TMPRSS9: variants seen among roughly 807,000 people sequenced by gnomAD.
TMPRSS9 encodes transmembrane protease serine 9.
TMPRSS9 carries 113 observed loss-of-function variants against 111.4 expected under a neutral mutation model. The ratio of observed to expected loss-of-function variants is 1.01; its 90% CI spans 0.87 to 1.19. TMPRSS9 has a LOEUF of 1.19. Ranked by LOEUF, TMPRSS9 falls within the 50% of genes most tolerant of loss-of-function variation. The probability of loss-of-function intolerance (pLI) is 0.00; values close to 1 mark genes in which losing one functional copy is unlikely to be tolerated. For missense variants in TMPRSS9, 1,803 were observed against 1,513.1 expected, an observed-to-expected ratio of 1.19 and a Z score of -3.18; for synonymous variants, 805 against 659.1, an observed-to-expected ratio of 1.22 and a Z score of -3.39.
chr19:2,369,861 G>A (rs1271135226), intron 1 of TMPRSS9, among the ~76,000 whole-genome samples: 1 of 152,024 alleles, frequency 6.6e-6, no homozygotes, highest in Non-Finnish European at 1.5e-5. Context: ...TCTGCTCAGG[G>A]TCTGACAAGA....
At chr19:2,410,292 G>T in exon 9 of TMPRSS9, 6 of 1,614,034 alleles carry the variant, frequency 3.7e-6, no homozygotes, top group Non-Finnish European at 5.1e-6. Flanking sequence ...AAGCCACTGT[G>T]GAGCTGCTGG....
At chr19:2,408,766 G>A (rs1971026498) in intron 8 of TMPRSS9, 136 bp downstream of exon 9, 6 of 1,159,836 alleles carry the variant, frequency 5.2e-6, no homozygotes, top group Non-Finnish European at 7.2e-6. Context: ...CACGAGGTCA[G>A]GCGTTTGAGA....
chr19:2,426,004 T>C, exon 18 of TMPRSS9: 1 of 1,607,768 alleles, frequency 6.2e-7, no homozygotes, highest in Admixed American at 1.7e-5. Context: ...GCTGGGGCTA[T>C]GGCTGTGGCC....
chr19:2,388,086 C>T (rs1227156657), upstream of TMPRSS9, among the ~76,000 whole-genome samples: 1 of 152,112 alleles, frequency 6.6e-6, no homozygotes, highest in Non-Finnish European at 1.5e-5. Flanking sequence ...CTTTGATGCA[C>T]CTCCCTTCGA....
chr19:2,412,648 T>C (rs1354931718), intron 9 of TMPRSS9, among the ~76,000 whole-genome samples: 1 of 152,162 alleles, frequency 6.6e-6, no homozygotes, highest in African/African-American at 2.4e-5. Context: ...GCACATGGGC[T>C]GGGCTGCCAC....
chr19:2,381,799 G>A (rs1485065033), intron 1 of TMPRSS9, among the ~76,000 whole-genome samples: 2 of 151,900 alleles, frequency 1.3e-5, no homozygotes, highest in African/African-American at 2.4e-5. Context: ...TAGCACCCTC[G>A]GAGACATTAG....
At chr19:2,379,670 T>TTTCTTTCC (rs1568170880) in intron 1 of TMPRSS9, among the ~76,000 whole-genome samples, 7 of 149,090 alleles carry the variant, frequency 4.7e-5, no homozygotes, top group African/African-American at 1.8e-4. Flanking sequence ...TCTTTCTTTC[T>TTTCTTTCC]TTCTTTCTCT....
rs111244068 is a variant in TMPRSS9, at chr19:2,390,523, A to G, written c.142+596A>G. The stretch of plus-strand genomic sequence containing the variant: ...CTCCCAAAGTGCTGGGATTACAGGC[A>G]TGAGCCACCGCGCCCGGCCCCAAAA... On this transcript the variant is annotated intron_variant, in intron 1 of 17. Coordinates refer to ENST00000648592, the Ensembl canonical transcript of TMPRSS9. Among the ~76,000 whole-genome samples the G allele has an allele frequency of 1.1e-3, 169 of 147,772 alleles. 1 individual carries two copies. The highest frequency in any genetic ancestry group is 3.8e-3 in the African/African-American group (155 of 40,772).
intron 1 of TMPRSS9, among the ~76,000 whole-genome samples, chr19:2,394,346 C>A (rs1970663951): frequency 6.6e-6 from 1 of 152,062 alleles, no homozygotes; most frequent in Non-Finnish European, 1.5e-5. Flanking sequence ...GTGATTGTGC[C>A]ACTGCACTGA....
intron 9 of TMPRSS9, among the ~76,000 whole-genome samples, chr19:2,411,697 GC>G (rs2145363043): frequency 6.6e-6 from 1 of 152,196 alleles, no homozygotes; most frequent in Admixed American, 6.6e-5. Flanking sequence ...AATAACAGGT[GC>G]CCACCACCAC....
chr19:2,396,772 A>T, intron 2 of TMPRSS9, 106 bp downstream of exon 3: 1 of 1,445,852 alleles, frequency 6.9e-7, no homozygotes, highest in Non-Finnish European at 9.2e-7. Flanking sequence ...CAGGCAACGA[A>T]GCTGAGGTGG....
chr19:2,424,923 G>C (rs1971570556), intron 15 of TMPRSS9, 79 bp from the exon 17 acceptor site: 10 of 1,358,074 alleles, frequency 7.4e-6, no homozygotes, highest in East Asian at 6.3e-5. Context: ...GGTGCCAGCC[G>C]GCCGCTGGGG....
chr19:2,413,787 G>T lies in TMPRSS9; in HGVS notation c.1342G>T (p.Glu448Ter). The change falls in exon 10 of 18, where the codon GAA becomes TAA. Residue 448 changes from glutamate (E) to a stop codon, truncating the protein, a stop_gained. Coordinates refer to ENST00000648592, the Ensembl canonical transcript of TMPRSS9. LOFTEE classifies it high-confidence loss of function. ...CGTGAGCTGGGGAATCGGGTGTGCG[G>T]AAGCCCGGCGTCCAGGGGTCTATGC... The T allele has an allele frequency of 6.2e-7, 1 of 1,613,874 alleles. No individual in the cohort carries two copies. The highest frequency in any genetic ancestry group is 8.5e-7 in the Non-Finnish European group (1 of 1,180,018).
chr19:2,381,877 C>G (rs1970389685), intron 1 of TMPRSS9, among the ~76,000 whole-genome samples: 1 of 152,224 alleles, frequency 6.6e-6, no homozygotes, highest in Non-Finnish European at 1.5e-5. Flanking sequence ...GAGTCTCGCT[C>G]TGTCGCCCAG....
Position 2,422,060 on chromosome 19 carries a change from C to G in TMPRSS9, c.2361C>G (p.Thr787=), listed in dbSNP as rs866990879. The stretch of plus-strand genomic sequence containing the variant: ...CCTCGACCACAAGGATGCTGGCCAC[C>G]ACCAGCCCCAGGACGACAGCTGGCC... Residue 787 remains threonine (T), a synonymous_variant, in exon 14 of 18, where the codon ACC becomes ACG. Coordinates refer to ENST00000648592, the Ensembl canonical transcript of TMPRSS9. 41 of 1,611,676 alleles carry G rather than the reference C, an allele frequency of 2.5e-5. 2 individuals are homozygous for G. The Middle Eastern group carries it at 6.8e-3, about 266-fold the overall frequency.
At chr19:2,361,879 C>T (rs781133368) in intron 1 of TMPRSS9, among the ~76,000 whole-genome samples, 6 of 152,076 alleles carry the variant, frequency 3.9e-5, no homozygotes, top group Non-Finnish European at 8.8e-5. Context: ...CCTTGCAGAT[C>T]AGGGATGCCC....
At chr19:2,405,897 C>T (rs750296560) in intron 7 of TMPRSS9, among the ~76,000 whole-genome samples, 23 of 149,052 alleles carry the variant, frequency 1.5e-4, no homozygotes, top group Non-Finnish European at 4.4e-5. Context: ...GGGGTTTCAC[C>T]GTGTTAGCCA....
At chr19:2,363,515 G>T (rs73522367) in intron 1 of TMPRSS9, among the ~76,000 whole-genome samples, 1 of 151,424 alleles carries the variant, frequency 6.6e-6, no homozygotes, top group East Asian at 2.0e-4. Context: ...TTGTGGGGGG[G>T]TGGGGGGACA....
upstream of TMPRSS9, among the ~76,000 whole-genome samples, chr19:2,386,289 A>C (rs1016067140): frequency 2.5e-4 from 38 of 151,808 alleles, no homozygotes; most frequent in African/African-American, 8.9e-4. Flanking sequence ...GCAGATCACG[A>C]GATCAGGAGA....
Sources: allele counts gnomAD v4.1 joint callset (sites outside exome capture counted in the v4.1 genomes callset), GRCh38; gene constraint gnomAD v4.1.1; transcripts MANE v1.5; gene names NCBI Gene and HGNC (gene_info 2026-07-23, HGNC 2026-07-21).